Variants in PARP11 observed in about 807,000 individuals in gnomAD.
The protein encoded by PARP11 is protein mono-ADP-ribosyltransferase PARP11.
PARP11 carries 31 observed loss-of-function variants against 42.9 expected under a neutral mutation model. The ratio of observed to expected loss-of-function variants is 0.72; its 90% confidence interval spans 0.54 to 0.98. The LOEUF is 0.98. Among genes scored for constraint, PARP11 ranks in the 50% least tolerant of loss-of-function variants. The pLI is 0.00. For missense variants in PARP11, 365 were observed against 413.1 expected, an observed-to-expected ratio of 0.88 and a Z score of 1.01; for synonymous variants, 137 against 127.3, an observed-to-expected ratio of 1.08 and a Z score of -0.51.
At chr12:3,837,452 A>G (rs1026731722) in intron 1 of PARP11, among the ~76,000 whole-genome samples, 3 of 152,208 alleles carry the variant, frequency 2.0e-5, no homozygotes, top group Non-Finnish European at 4.4e-5. Flanking sequence ...CCTATAATAG[A>G]CCCACTAAAA....
intron 1 of PARP11, among the ~76,000 whole-genome samples, chr12:3,853,160 G>A (rs956522192): frequency 8.5e-5 from 13 of 152,122 alleles, no homozygotes; most frequent in East Asian, 1.9e-4. Context: ...GGAACAACCC[G>A]TACCAGCCAC....
Position 3,840,149 on chromosome 12 carries a change from A to G in PARP11, c.19-10131T>C. ...GATTATTCCATTGCTGCTGGCTTAC[A>G]ATATGAAGTTGGAGACAAATGTCAA... On this transcript the variant is annotated intron_variant, in intron 1 of 7. Transcript: ENST00000228820. This position sits in a 1 kb window ranked among gnomAD's most constrained non-coding sequence, Gnocchi z 4.4. 2 of 1,611,424 alleles carry G rather than the reference A, an allele frequency of 1.2e-6. No homozygotes were observed. Among genetic ancestry groups the G allele is most frequent in the Non-Finnish European group, 1.7e-6 (2 of 1,177,474 alleles).
chr12:3,842,619 C>A, intron 1 of PARP11: 2 of 782,370 alleles, frequency 2.6e-6, no homozygotes, highest in Non-Finnish European at 4.2e-6. Context: ...GGAACTCTTT[C>A]CTCTCCCCAG....
Position 3,829,994 on chromosome 12 carries a change from ATTC to A in PARP11, c.40_42del (p.Glu14del). ...TCATTGTTTGTTGTTTTAGAAAATA[ATTC>A]TTCTGCTTTGTGAAACATCTCCTGA... is the stretch of plus-strand genomic sequence containing the variant. On this transcript the variant is annotated inframe_deletion, in exon 2 of 8. Transcript: ENST00000228820. 1 of 1,613,896 alleles carries A rather than the reference ATTC, an allele frequency of 6.2e-7. No individual in the cohort carries two copies. Among genetic ancestry groups the A allele is most frequent in the Non-Finnish European group, 8.5e-7 (1 of 1,179,780 alleles).
At chr12:3,839,970 T>C (rs1947852935) in intron 1 of PARP11, 1 of 1,430,760 alleles carries the variant, frequency 7.0e-7, no homozygotes, top group Non-Finnish European at 9.9e-7. Flanking sequence ...TGAATGGATT[T>C]AAACCTTTGT....
At position 3,864,564 on chromosome 12, in the gene PARP11, T is replaced by C. The variant is rs541476858; in HGVS notation, c.18+8648A>G. On this transcript the variant is annotated intron_variant, in intron 1 of 7. Transcript: ENST00000228820. ...TAGAATTTTCTTTTAGAATGATTTT[T>C]TTCTGCAAATTCAAATTATTTAACA... Among the ~76,000 whole-genome samples the C allele has an allele frequency of 3.7e-4, 56 of 152,382 alleles. 1 individual carries two copies. The South Asian group carries it at 0.012, about 32-fold the overall frequency.
At chr12:3,839,753 T>A in intron 1 of PARP11, 1 of 1,123,718 alleles carries the variant, frequency 8.9e-7, no homozygotes, top group Non-Finnish European at 1.4e-6. Context: ...CATTATGATA[T>A]TGTGTATCCC....
In PARP11 at chr12:3,809,976, CTA is replaced by C. The variant is rs1241908518; in HGVS notation, c.*2145_*2146del. On this transcript the variant is annotated 3_prime_UTR_variant, in exon 8 of 8. Coordinates refer to ENST00000228820, the MANE Select transcript of PARP11 (RefSeq NM_020367.6). ...TATTGTACATGCAATGTCCTGGGTA[CTA>C]CTTACCTCCCACTGCACAATTACAC... The C allele has an allele frequency of 1.3e-5, 2 of 152,226 alleles. No individual in the cohort carries two copies. The highest frequency in any genetic ancestry group is 4.8e-5 in the African/African-American group (2 of 41,442). 9.4% of individuals were successfully genotyped at this position (152,226 alleles called of 1,614,324 possible).
chr12:3,857,211 G>A (rs1179489171), intron 1 of PARP11, among the ~76,000 whole-genome samples: 3 of 151,968 alleles, frequency 2.0e-5, no homozygotes, highest in African/African-American at 7.3e-5. Context: ...AACCAACATG[G>A]CACATGTATA....
chr12:3,835,813 T>C (rs765348682), intron 1 of PARP11, among the ~76,000 whole-genome samples: 6 of 151,946 alleles, frequency 3.9e-5, no homozygotes, highest in Non-Finnish European at 5.9e-5. Context: ...AACTTGAACA[T>C]AAATTAATAG....
Position 3,863,861 on chromosome 12 carries a change from G to A in PARP11, c.18+9351C>T. 2 of 152,216 alleles carry A rather than the reference G, an allele frequency of 1.3e-5. 1 individual carries two copies. Among genetic ancestry groups the A allele is most frequent in the East Asian group, 3.8e-4 (2 of 5,204 alleles). The allele number at this position is 152,216 out of a possible 1,614,324, so 9.4% of individuals were successfully genotyped here. ...CTGTTACTGAAGCTCCAGATTCCCA[G>A]AGGGAAGGCAGGTCTTCACCGTAAA... is the stretch of plus-strand genomic sequence containing the variant. On this transcript the variant is annotated intron_variant, in intron 1 of 7. Transcript: ENST00000228820.
chr12:3,828,145 T>A, intron 3 of PARP11, among the ~76,000 whole-genome samples: 1 of 152,214 alleles, frequency 6.6e-6, no homozygotes, highest in Non-Finnish European at 1.5e-5. Context: ...TTAAAGAAAT[T>A]GTTTTCTGAC....
intron 1 of PARP11, chr12:3,839,328 C>A: frequency 1.3e-6 from 2 of 1,529,906 alleles, no homozygotes; most frequent in Non-Finnish European, 1.7e-6. Context: ...GCGTCCCCGA[C>A]GGCGAGGACC....
chr12:3,838,974 T>C (rs1366414298), intron 1 of PARP11, among the ~76,000 whole-genome samples: 1 of 151,956 alleles, frequency 6.6e-6, no homozygotes, highest in Non-Finnish European at 1.5e-5. Flanking sequence ...CCGGCCTGGG[T>C]CCTGAGTCGG....
Position 3,822,174 on chromosome 12 carries a change from A to G in PARP11, c.345-17T>C, listed in dbSNP as rs368807803. 15 of 1,597,112 alleles carry G rather than the reference A, an allele frequency of 9.4e-6. No homozygotes were observed. Among genetic ancestry groups the G allele is most frequent in the Non-Finnish European group, 1.2e-5 (14 of 1,166,010 alleles). Reference sequence around the variant, plus strand: ...CAGATGTAACTTGAAACAGCAAAAGAGAAAACAAAATATCAGAAGCCGATT... The same window carrying G: ...CAGATGTAACTTGAAACAGCAAAAGGGAAAACAAAATATCAGAAGCCGATT... On this transcript the variant is annotated splice_polypyrimidine_tract_variant and intron_variant, in intron 4 of 7. Transcript: ENST00000228820.
intron 1 of PARP11, among the ~76,000 whole-genome samples, chr12:3,858,781 T>C (rs1948238626): frequency 6.6e-6 from 1 of 152,204 alleles, no homozygotes; most frequent in South Asian, 2.1e-4. Flanking sequence ...TACCTTTTAC[T>C]GTTAAGAATT....
In PARP11 at chr12:3,841,628, C is replaced by A. The variant is rs1328777137; in HGVS notation, c.19-11610G>T. 6 of 1,613,488 alleles carry A rather than the reference C, an allele frequency of 3.7e-6. No homozygotes were observed. The Admixed American group carries it at 5.0e-5, about 13-fold the overall frequency. ...CAGGCTGATCTTGAATCTGAGACCC[C>A]TGGGCAGCTTCTGCATGCTGATTAT... is the stretch of plus-strand genomic sequence containing the variant. On this transcript the variant is annotated intron_variant, in intron 1 of 7. Coordinates refer to ENST00000228820, the MANE Select transcript of PARP11 (RefSeq NM_020367.6).
In PARP11 at chr12:3,840,043, C is replaced by A. The variant is rs1947854681; in HGVS notation, c.19-10025G>T. 1.9e-6 allele frequency: 3 copies of A among 1,609,152 alleles called. No homozygotes were observed. In the South Asian group the frequency reaches 3.3e-5, roughly 18 times the overall value. On this transcript the variant is annotated intron_variant, in intron 1 of 7. Coordinates refer to ENST00000228820, the MANE Select transcript of PARP11 (RefSeq NM_020367.6). This position sits in a 1 kb window ranked among gnomAD's most constrained non-coding sequence, Gnocchi z 4.4. ...TAGCCTGCCTTTGGCTAGAAAGGTT[C>A]TTAAGTCACTCAATCCTGCAGTCTA...
In PARP11 at chr12:3,810,642, GGA is replaced by G; in HGVS notation, c.*1479_*1480del. 9.3e-6 allele frequency: 1 copy of G among 107,998 alleles called. No homozygotes were observed. Among genetic ancestry groups the G allele is most frequent in the Non-Finnish European group, 1.9e-5 (1 of 53,466 alleles). 6.7% of individuals were successfully genotyped at this position (107,998 alleles called of 1,614,324 possible). The stretch of plus-strand genomic sequence containing the variant: ...AGGGAGGAGGGAGGGAGGGAGGGAG[GGA>G]AAGAAGGAAGGAAGGAAGGAAGGAA... On this transcript the variant is annotated 3_prime_UTR_variant, in exon 8 of 8. Transcript: ENST00000228820.
Sources: allele counts gnomAD v4.1 joint callset (sites outside exome capture counted in the v4.1 genomes callset), GRCh38; gene constraint gnomAD v4.1.1; non-coding constraint Gnocchi (gnomAD v3.1); transcripts MANE v1.5; gene names NCBI Gene and HGNC (gene_info 2026-07-23, HGNC 2026-07-21).